The following CADM2 variants were observed in gnomAD, a reference collection of about 807,000 sequenced individuals.
CADM2 encodes the protein cell adhesion molecule 2, also known as immunoglobulin superfamily member 4D.
CADM2 carries 12 observed loss-of-function variants against 49.8 expected under a neutral mutation model. The observed-to-expected ratio is 0.24, with a 90% CI of 0.15 to 0.39. The LOEUF is 0.39. Ranked by LOEUF, CADM2 falls within the 10% of genes least tolerant of loss-of-function variation. The pLI, the probability that CADM2 is intolerant of heterozygous loss-of-function variation, is 1.00. For missense variants in CADM2, 378 were observed against 492.3 expected (o/e 0.77, Z 2.20); for synonymous variants, 214 against 175.4 (o/e 1.22, Z -1.74).
In CADM2 at chr3:85,642,131, T is replaced by C. The variant is rs1424984772; in HGVS notation, c.62-84391T>C. On this transcript the variant is annotated intron_variant, in intron 1 of 9. Coordinates refer to ENST00000383699, the MANE Select transcript of CADM2 (RefSeq NM_001167675.2). ...AATGGGAGGCCATTACCCTTTGCAC[T>C]GCAGAGATGTGTGGAAAGTGTCTCC... Among the ~76,000 whole-genome samples, 3 of 152,172 alleles carry C rather than the reference T, an allele frequency of 2.0e-5. No homozygotes were observed. The East Asian group carries it at 5.8e-4, about 29-fold the overall frequency.
intron 1 of CADM2, among the ~76,000 whole-genome samples, chr3:85,485,716 A>T (rs2039389990): frequency 6.6e-6 from 1 of 152,064 alleles, no homozygotes; most frequent in Non-Finnish European, 1.5e-5. Context: ...AAAATTTGTA[A>T]ATTAAGACAT....
chr3:85,550,874 C>T (rs1044716614), intron 1 of CADM2, among the ~76,000 whole-genome samples: 1 of 152,180 alleles, frequency 6.6e-6, no homozygotes, highest in Non-Finnish European at 1.5e-5. Flanking sequence ...TTTCACTGCA[C>T]AGGTGTTTTG....
chr3:85,560,561 G>T (rs1407160289), intron 1 of CADM2, among the ~76,000 whole-genome samples: 3 of 152,184 alleles, frequency 2.0e-5, no homozygotes, highest in African/African-American at 7.2e-5. Flanking sequence ...GAAGTTGGAA[G>T]GACTGAAAAG....
At chr3:85,997,953 A>T (rs1729635450) in intron 8 of CADM2, among the ~76,000 whole-genome samples, 1 of 152,176 alleles carries the variant, frequency 6.6e-6, no homozygotes, top group African/African-American at 2.4e-5. Flanking sequence ...TTCATTCTGT[A>T]ATTTTTTTGA....
chr3:86,068,963 C>G lies in CADM2; in HGVS notation c.*2180C>G, dbSNP rs1266254332. ...GAATAGGTTTATAAACTGTTCATAT[C>G]TTTCAATGCATAATCTTTAGAAAGA... On this transcript the variant is annotated 3_prime_UTR_variant, in exon 10 of 10. Transcript: ENST00000383699. 6.6e-6 allele frequency: 1 copy of G among 152,000 alleles called. No individual in the cohort carries two copies. The highest frequency in any genetic ancestry group is 1.5e-5 in the Non-Finnish European group (1 of 67,838). The allele number at this position is 152,000 out of a possible 1,614,324, so 9.4% of individuals were successfully genotyped here.
intron 1 of CADM2, among the ~76,000 whole-genome samples, chr3:85,658,617 T>TATATACAC (rs1553656741): frequency 1.6e-5 from 2 of 125,092 alleles, no homozygotes; most frequent in East Asian, 4.8e-4. Flanking sequence ...TATATATATA[T>TATATACAC]ACATGTATGC....
intron 1 of CADM2, among the ~76,000 whole-genome samples, chr3:85,724,658 CTT>C (rs2067622835): frequency 6.6e-6 from 1 of 151,854 alleles, no homozygotes; most frequent in East Asian, 1.9e-4. Context: ...GTAAAATCTT[CTT>C]CTGGAAACAA....
chr3:85,609,102 C>T (rs1014632258), intron 1 of CADM2, among the ~76,000 whole-genome samples: 51 of 151,974 alleles, frequency 3.4e-4, no homozygotes, highest in African/African-American at 1.2e-3. Context: ...TACTTTGCAT[C>T]TCCACACTAG....
chr3:85,898,406 A>G (rs1715569540), intron 5 of CADM2, among the ~76,000 whole-genome samples: 1 of 152,140 alleles, frequency 6.6e-6, no homozygotes. Flanking sequence ...TGTATTTATT[A>G]TCCCCAAAAG....
chr3:85,446,979 TA>T (rs1266066429), intron 1 of CADM2, among the ~76,000 whole-genome samples: 1 of 111,254 alleles, frequency 9.0e-6, no homozygotes, highest in Non-Finnish European at 1.8e-5. Context: ...GACTTAAGCC[TA>T]ATATGTATTG....
intron 1 of CADM2, among the ~76,000 whole-genome samples, chr3:85,536,475 C>A: frequency 6.8e-6 from 1 of 147,552 alleles, no homozygotes; most frequent in Non-Finnish European, 1.5e-5. Flanking sequence ...TTTTCTTTTT[C>A]TTTGTTTTAA....
chr3:85,428,167 T>A (rs979958180), intron 1 of CADM2, among the ~76,000 whole-genome samples: 1 of 151,406 alleles, frequency 6.6e-6, no homozygotes, highest in South Asian at 2.1e-4. Flanking sequence ...GAATTCATAT[T>A]GACCAAAAGT....
chr3:84,962,654 T>C (rs990863594), intron 1 of CADM2, among the ~76,000 whole-genome samples: 4 of 152,216 alleles, frequency 2.6e-5, no homozygotes, highest in African/African-American at 9.6e-5. Flanking sequence ...CCCTGCCTGC[T>C]AGTAGTTATG....
intron 1 of CADM2, among the ~76,000 whole-genome samples, chr3:85,151,263 C>G (rs1422015647): frequency 1.3e-5 from 2 of 152,008 alleles, no homozygotes; most frequent in African/African-American, 2.4e-5. Flanking sequence ...ATATTCCTAG[C>G]CTTTCCGTTC....
At chr3:85,601,163 T>TATATATATATAC (rs1402914773) in intron 1 of CADM2, among the ~76,000 whole-genome samples, 1 of 85,652 alleles carries the variant, frequency 1.2e-5, no homozygotes, top group Non-Finnish European at 2.3e-5. Flanking sequence ...TATATATATA[T>TATATATATATAC]ATATATATAT....
At chr3:85,663,354 C>G (rs890238530) in intron 1 of CADM2, among the ~76,000 whole-genome samples, 2 of 151,976 alleles carry the variant, frequency 1.3e-5, no homozygotes, top group Admixed American at 1.3e-4. Context: ...CATATTCCCA[C>G]TCAGCGCTTT....
chr3:86,004,771 T>C (rs2106846708), intron 8 of CADM2, among the ~76,000 whole-genome samples: 1 of 152,312 alleles, frequency 6.6e-6, no homozygotes, highest in Non-Finnish European at 1.5e-5. Flanking sequence ...GTGGAATGCA[T>C]AAAATGCAAA....
chr3:86,038,925 T>G (rs1371330252), intron 8 of CADM2, among the ~76,000 whole-genome samples: 1 of 152,214 alleles, frequency 6.6e-6, no homozygotes, highest in African/African-American at 2.4e-5. Flanking sequence ...TAGTGACAGC[T>G]GTTTGAAAAT....
At chr3:85,827,244 A>G (rs1478772233) in intron 3 of CADM2, among the ~76,000 whole-genome samples, 3 of 152,038 alleles carry the variant, frequency 2.0e-5, no homozygotes, top group Non-Finnish European at 4.4e-5. Flanking sequence ...TGACCATAAA[A>G]TCTTGATAGC....
Sources: gnomAD v4.1 joint callset for allele counts (sites outside exome capture counted in the v4.1 genomes callset) on GRCh38, gnomAD v4.1.1 for gene constraint, MANE v1.5 for transcripts, NCBI Gene and HGNC (gene_info 2026-07-23, HGNC 2026-07-21) for gene names.